Variants in CBLB observed in about 807,000 individuals in gnomAD.
CBLB encodes Cbl proto-oncogene B.
In CBLB, 31 loss-of-function variants were observed where a neutral mutation model predicts 104.9. That is an observed-to-expected ratio of 0.30 (90% CI 0.22 to 0.40). The LOEUF (loss-of-function observed/expected upper bound fraction) is 0.40, where lower values mean the gene tolerates loss of function less well. CBLB is among the 10% of genes least tolerant of loss of function. The pLI is 1.00. For missense variants in CBLB, 1,062 were observed against 1,214.6 expected (o/e 0.87, Z 1.87); for synonymous variants, 440 against 422.6 (o/e 1.04, Z -0.51).
rs1331815182 is a variant in CBLB, at chr3:105,657,937, T to G, written c.*1033A>C. On this transcript the variant is annotated 3_prime_UTR_variant, in exon 19 of 19. Coordinates refer to ENST00000394030, the MANE Select transcript of CBLB (RefSeq NM_170662.5). ...TTCCCACAGCTCTTAGGAGATAGAG[T>G]GTAATCACTTAAATGGGAAATGAAC... 4.7e-6 allele frequency: 1 copy of G among 211,658 alleles called. No individual in the cohort carries two copies. The highest frequency in any genetic ancestry group is 9.6e-6 in the Non-Finnish European group (1 of 104,660). The allele number at this position is 211,658 out of a possible 1,614,324, so 13.1% of individuals were successfully genotyped here.
At chr3:105,817,214 T>C (rs1052630994) in intron 3 of CBLB, among the ~76,000 whole-genome samples, 1 of 152,210 alleles carries the variant, frequency 6.6e-6, no homozygotes, top group Non-Finnish European at 1.5e-5. Flanking sequence ...TGTTAAAGAC[T>C]TCTCTAGCTT....
chr3:105,679,250 A>C (rs2066009922), intron 16 of CBLB, among the ~76,000 whole-genome samples: 1 of 151,424 alleles, frequency 6.6e-6, no homozygotes. Flanking sequence ...TAATAACTAG[A>C]ATATTGCAGC....
intron 17 of CBLB, among the ~76,000 whole-genome samples, chr3:105,674,787 T>C (rs1576231425): frequency 6.6e-6 from 1 of 152,314 alleles, no homozygotes; most frequent in Admixed American, 6.5e-5. Context: ...TAAGATATGA[T>C]TGGCCTGTCC....
At chr3:105,770,177 A>T (rs957891297) in intron 4 of CBLB, among the ~76,000 whole-genome samples, 1 of 151,882 alleles carries the variant, frequency 6.6e-6, no homozygotes, top group Non-Finnish European at 1.5e-5. Flanking sequence ...TTCAGTGTGA[A>T]TTTTTTCCCA....
chr3:105,675,086 T>G (rs1576233703), intron 17 of CBLB, among the ~76,000 whole-genome samples: 1 of 151,966 alleles, frequency 6.6e-6, no homozygotes, highest in Non-Finnish European at 1.5e-5. Flanking sequence ...CTTGATTAGG[T>G]ACTTAGTATA....
At chr3:105,740,107 A>C (rs28548381) in intron 7 of CBLB, among the ~76,000 whole-genome samples, 1 of 152,076 alleles carries the variant, frequency 6.6e-6, no homozygotes, top group South Asian at 2.1e-4. Flanking sequence ...ATCTCAAAAA[A>C]AAAAAAGAAA....
At chr3:105,728,509 C>T (rs1288443127) in intron 9 of CBLB, among the ~76,000 whole-genome samples, 1 of 152,164 alleles carries the variant, frequency 6.6e-6, no homozygotes, top group Non-Finnish European at 1.5e-5. Flanking sequence ...TTTAACCTTA[C>T]ATGGTAATGC....
chr3:105,764,991 T>C (rs1375827457), intron 4 of CBLB, among the ~76,000 whole-genome samples: 1 of 152,130 alleles, frequency 6.6e-6, no homozygotes, highest in Non-Finnish European at 1.5e-5. Flanking sequence ...AGAAGTAAAG[T>C]TTGAAACTAG....
At chr3:105,830,322 T>C (rs1389075977) in intron 3 of CBLB, among the ~76,000 whole-genome samples, 3 of 152,236 alleles carry the variant, frequency 2.0e-5, no homozygotes, top group Non-Finnish European at 2.9e-5. Flanking sequence ...ACTCTGTACT[T>C]AATTTCCTAC....
chr3:105,690,508 C>T (rs72993723), intron 13 of CBLB, among the ~76,000 whole-genome samples: 2,671 of 152,152 alleles, frequency 0.018, 71 homozygotes, highest in African/African-American at 0.061. Flanking sequence ...TGGGGAAAGG[C>T]CCAGAGAAGT....
At chr3:105,842,896 T>C in intron 3 of CBLB, among the ~76,000 whole-genome samples, 1 of 152,248 alleles carries the variant, frequency 6.6e-6, no homozygotes, top group East Asian at 1.9e-4. Flanking sequence ...TTACATATAA[T>C]GCAACTTATA....
At chr3:105,810,739 T>C (rs983531450) in intron 3 of CBLB, among the ~76,000 whole-genome samples, 2 of 152,114 alleles carry the variant, frequency 1.3e-5, no homozygotes, top group African/African-American at 4.8e-5. Context: ...AGACAGAAAT[T>C]AGTTTGATTT....
chr3:105,690,732 G>GAA (rs2067578147), intron 13 of CBLB, among the ~76,000 whole-genome samples: 1 of 150,700 alleles, frequency 6.6e-6, no homozygotes, highest in South Asian at 2.1e-4. Context: ...TGAGGCAGGA[G>GAA]AACCGCTTGA....
At position 105,747,670 on chromosome 3, in the gene CBLB, A is replaced by T. The variant is rs191441597; in HGVS notation, c.724-1632T>A. 1.5e-3 allele frequency among the ~76,000 whole-genome samples: 234 copies of T among 152,356 alleles called. No homozygotes were observed. The Middle Eastern group carries it at 0.024, about 16-fold the overall frequency. On this transcript the variant is annotated intron_variant, in intron 5 of 18. Transcript: ENST00000394030. ...CTTGGAAAATGTCAGCATATATTTT[A>T]AAAAACTGAGCAATAACTGTTATTC... is the stretch of plus-strand genomic sequence containing the variant.
At position 105,659,155 on chromosome 3, in the gene CBLB, G is replaced by T; in HGVS notation, c.2764C>A (p.Pro922Thr). The T allele has an allele frequency of 6.2e-7, 1 of 1,613,988 alleles. No homozygotes were observed. The highest frequency in any genetic ancestry group is 8.5e-7 in the Non-Finnish European group (1 of 1,179,924). Residue 922 changes from proline (P) to threonine (T), a missense_variant, in exon 19 of 19, where the codon CCC becomes ACC. Pro to Thr is a conservative substitution (Grantham distance 38). Around this residue, in one of 2 missense-constraint regions of CBLB, gnomAD observed 605 missense variants for 582.6 expected, o/e 1.04. Coordinates refer to ENST00000394030, the MANE Select transcript of CBLB (RefSeq NM_170662.5). ...RTAPEIHHRK[P>T]HGPEAALENV... ...TCCAATGCCGCCTCAGGCCCATGGG[G>T]TTTTCTGTGGTGAATTTCTGGTGCA...
chr3:105,783,930 A>G (rs2080629022), intron 3 of CBLB, among the ~76,000 whole-genome samples: 1 of 152,232 alleles, frequency 6.6e-6, no homozygotes, highest in Non-Finnish European at 1.5e-5. Flanking sequence ...TTATCTCAAT[A>G]TATTCAATAA....
Position 105,729,039 on chromosome 3 carries a change from T to G in CBLB, c.1203+4970A>C, listed in dbSNP as rs566914799. Among the ~76,000 whole-genome samples, 26 of 152,296 alleles carry G rather than the reference T, an allele frequency of 1.7e-4. No homozygotes were observed. The South Asian group carries it at 3.5e-3, about 21-fold the overall frequency. On this transcript the variant is annotated intron_variant, in intron 9 of 18. Transcript: ENST00000394030. ...AAAATGCACACTGCTGAGCAGAGTA[T>G]GATTTATGGTCAGGGTTTAATATTT...
chr3:105,849,387 TG>T (rs1309466608), intron 3 of CBLB, among the ~76,000 whole-genome samples: 4 of 152,088 alleles, frequency 2.6e-5, no homozygotes, highest in Admixed American at 1.3e-4. Context: ...CAATAAATTT[TG>T]TCTTAGGGTT....
chr3:105,694,821 A>G (rs190454602), intron 12 of CBLB, among the ~76,000 whole-genome samples: 222 of 151,932 alleles, frequency 1.5e-3, no homozygotes, highest in Admixed American at 3.8e-3. Flanking sequence ...TACCATGACA[A>G]AATATTACCT....
Sources: gnomAD v4.1 joint callset for allele counts (sites outside exome capture counted in the v4.1 genomes callset) on GRCh38, gnomAD v4.1.1 for gene constraint, gnomAD v4.1.1 regional missense constraint, MANE v1.5 for transcripts, NCBI Gene and HGNC (gene_info 2026-07-23, HGNC 2026-07-21) for gene names.